The following GRIK4 variants were observed in gnomAD, a reference collection of about 807,000 sequenced individuals.
GRIK4 encodes the protein glutamate ionotropic receptor kainate type subunit 4.
Under a neutral mutation model 104.9 loss-of-function variants are expected in GRIK4, and 40 were observed. The ratio of observed to expected loss-of-function variants is 0.38; its 90% CI spans 0.30 to 0.50. GRIK4 has a LOEUF of 0.50. GRIK4 is among the 20% of genes least tolerant of loss of function. The pLI is 0.93. For synonymous variants in GRIK4, 485 were observed against 524.9 expected (o/e 0.92, Z 1.04); for missense variants, 1,047 against 1,308.1 (o/e 0.80, Z 3.08).
At position 120,903,880 on chromosome 11, in the gene GRIK4, G is replaced by A. The variant is rs1942806184; in HGVS notation, c.1273-1410G>A. The stretch of plus-strand genomic sequence containing the variant: ...CACGCCTGCCTTCAAAAGGTCGGCA[G>A]TGACACATGATCAACACGCTGGTTC... On this transcript the variant is annotated intron_variant, in intron 12 of 20. Transcript: ENST00000527524. This position sits in a 1 kb window ranked among gnomAD's most constrained non-coding sequence, Gnocchi z 4.4. 6.6e-6 allele frequency among the ~76,000 whole-genome samples: 1 copy of A among 152,216 alleles called. No individual in the cohort carries two copies. The highest frequency in any genetic ancestry group is 1.5e-5 in the Non-Finnish European group (1 of 68,044).
intron 9 of GRIK4, chr11:120,868,209 T>A (rs1954478053): frequency 6.6e-6 from 1 of 152,200 alleles, no homozygotes; most frequent in South Asian, 2.1e-4. Context: ...TCAGAACTGA[T>A]TCATCTTAAT....
intron 1 of GRIK4, among the ~76,000 whole-genome samples, chr11:120,544,705 G>T (rs1948068649): frequency 6.6e-6 from 1 of 152,146 alleles, no homozygotes; most frequent in Admixed American, 6.6e-5. Flanking sequence ...TGTTTCCTAG[G>T]GTTGAGTTAC....
intron 3 of GRIK4, among the ~76,000 whole-genome samples, chr11:120,784,753 A>G (rs140821080): frequency 6.6e-6 from 1 of 152,004 alleles, no homozygotes; most frequent in Non-Finnish European, 1.5e-5. Flanking sequence ...CTTGAGTTTC[A>G]GAGTCTGCCA....
chr11:120,929,239 C>T (rs918348056), intron 13 of GRIK4, among the ~76,000 whole-genome samples: 5 of 152,118 alleles, frequency 3.3e-5, no homozygotes, highest in Admixed American at 6.5e-5. Flanking sequence ...CAGCCCGCGG[C>T]GGGTGGCGTG....
chr11:120,591,603 TTCC>T (rs1279630330), intron 1 of GRIK4, among the ~76,000 whole-genome samples: 3 of 152,192 alleles, frequency 2.0e-5, no homozygotes, highest in Non-Finnish European at 4.4e-5. Context: ...TTTTGCCTTC[TTCC>T]CTCTTCCCTC....
intron 11 of GRIK4, among the ~76,000 whole-genome samples, chr11:120,890,888 TG>T (rs888672449): frequency 4.5e-4 from 69 of 152,336 alleles, no homozygotes; most frequent in African/African-American, 1.7e-3. Flanking sequence ...GGGGTTACGG[TG>T]GCCTCCCTAG....
At chr11:120,802,464 C>T (rs1345031242) in intron 3 of GRIK4, among the ~76,000 whole-genome samples, 2 of 152,190 alleles carry the variant, frequency 1.3e-5, no homozygotes, top group Admixed American at 6.5e-5. Flanking sequence ...TTACAGGATT[C>T]CCGAGGCGTG....
In GRIK4 at chr11:120,976,500, T is replaced by A. The variant is rs540105792; in HGVS notation, c.2396-5606T>A. Among the ~76,000 whole-genome samples the A allele has an allele frequency of 1.1e-3, 163 of 152,372 alleles. 6 individuals are homozygous for A. The South Asian group carries it at 0.033, about 31-fold the overall frequency. ...GTTGCTATTTACAATAATAAGTCCC[T>A]GGAGATCGGACTATTTGATACACTT... On this transcript the variant is annotated intron_variant, in intron 19 of 20. Coordinates refer to ENST00000527524, the MANE Select transcript of GRIK4 (RefSeq NM_014619.5).
At chr11:120,781,293 G>C (rs780330461) in intron 3 of GRIK4, among the ~76,000 whole-genome samples, 2 of 152,002 alleles carry the variant, frequency 1.3e-5, no homozygotes, top group African/African-American at 2.4e-5. Flanking sequence ...TATATTGAGG[G>C]ACTGAAACAA....
intron 3 of GRIK4, among the ~76,000 whole-genome samples, chr11:120,738,295 C>T (rs1034534823): frequency 6.6e-6 from 1 of 152,212 alleles, no homozygotes; most frequent in African/African-American, 2.4e-5. Context: ...TCAGTAAGCA[C>T]CGTCTCAGAG....
intron 13 of GRIK4, among the ~76,000 whole-genome samples, chr11:120,914,464 T>C (rs1341918783): frequency 6.6e-6 from 1 of 152,134 alleles, no homozygotes; most frequent in Non-Finnish European, 1.5e-5. Flanking sequence ...TGACAGAAGT[T>C]GAGCGAGGTG....
At chr11:120,856,106 A>C (rs1954099351) in intron 8 of GRIK4, among the ~76,000 whole-genome samples, 1 of 152,218 alleles carries the variant, frequency 6.6e-6, no homozygotes, top group African/African-American at 2.4e-5. Context: ...CCAGGCCATG[A>C]GTACCTGTGT....
At chr11:120,748,674 C>T (rs1951491256) in intron 3 of GRIK4, among the ~76,000 whole-genome samples, 1 of 152,212 alleles carries the variant, frequency 6.6e-6, no homozygotes, top group Non-Finnish European at 1.5e-5. Context: ...CCCTATACCT[C>T]ACACCTAGTG....
chr11:120,921,509 G>A (rs902864495), intron 13 of GRIK4, among the ~76,000 whole-genome samples: 2 of 152,210 alleles, frequency 1.3e-5, no homozygotes, highest in Non-Finnish European at 2.9e-5. Flanking sequence ...AAGCACAGCA[G>A]CAGTCCAGGT....
intron 3 of GRIK4, among the ~76,000 whole-genome samples, chr11:120,694,087 T>G (rs1220403729): frequency 6.6e-6 from 1 of 152,206 alleles, no homozygotes; most frequent in African/African-American, 2.4e-5. Flanking sequence ...TTGGGTGGAC[T>G]GCAAGTGCCC....
chr11:120,935,975 G>A, intron 13 of GRIK4: 1 of 198,566 alleles, frequency 5.0e-6, no homozygotes, highest in Non-Finnish European at 1.0e-5. Flanking sequence ...GTTGTGTATG[G>A]GGGGGTGGGT....
At chr11:120,563,437 T>C (rs1490382375) in intron 1 of GRIK4, among the ~76,000 whole-genome samples, 3 of 152,064 alleles carry the variant, frequency 2.0e-5, no homozygotes, top group African/African-American at 7.2e-5. Context: ...ATATTTTTGG[T>C]CCCTGGGAAG....
chr11:120,709,232 ACTT>A (rs1178796530), intron 3 of GRIK4, among the ~76,000 whole-genome samples: 1 of 151,582 alleles, frequency 6.6e-6, no homozygotes, highest in Non-Finnish European at 1.5e-5. Context: ...TTTGAGACCC[ACTT>A]CTTGTCCCTA....
chr11:120,907,130 T>C (rs1386239435), intron 13 of GRIK4, among the ~76,000 whole-genome samples: 2 of 152,246 alleles, frequency 1.3e-5, no homozygotes, highest in Admixed American at 6.5e-5. Flanking sequence ...GACCCACTCC[T>C]GAAACATTCT....
Sources: allele counts gnomAD v4.1 joint callset (sites outside exome capture counted in the v4.1 genomes callset), GRCh38; gene constraint gnomAD v4.1.1; non-coding constraint Gnocchi (gnomAD v3.1); transcripts MANE v1.5; gene names NCBI Gene and HGNC (gene_info 2026-07-23, HGNC 2026-07-21).